Variants in SCARA5 observed in about 807,000 individuals in gnomAD.
SCARA5 encodes scavenger receptor class A member 5.
A neutral mutation model predicts 46.3 loss-of-function variants in SCARA5; 45 were observed. That is an observed-to-expected ratio of 0.97 (90% CI 0.76 to 1.24). SCARA5 has a LOEUF of 1.24. Ranked by LOEUF, SCARA5 falls within the 50% of genes most tolerant of loss-of-function variation. The probability of loss-of-function intolerance (pLI) is 0.00; values close to 1 mark genes in which losing one functional copy is unlikely to be tolerated. For synonymous variants in SCARA5, 333 were observed against 306.5 expected (o/e 1.09, Z -0.90); for missense variants, 680 against 689.0 (o/e 0.99, Z 0.15).
chr8:27,874,275 G>A (rs55840200), intron 8 of SCARA5, among the ~76,000 whole-genome samples: 1,824 of 152,286 alleles, frequency 0.012, 29 homozygotes, highest in African/African-American at 0.041. Flanking sequence ...TATTTAACAG[G>A]TATTTAAGAG....
At chr8:27,900,176 A>G (rs1259953763) in intron 7 of SCARA5, among the ~76,000 whole-genome samples, 1 of 152,008 alleles carries the variant, frequency 6.6e-6, no homozygotes, top group Non-Finnish European at 1.5e-5. Context: ...AAACAAAAAA[A>G]GGTGCAGTCG....
intron 4 of SCARA5, among the ~76,000 whole-genome samples, chr8:27,919,369 G>T (rs1807545534): frequency 6.6e-6 from 1 of 151,968 alleles, no homozygotes; most frequent in South Asian, 2.1e-4. Context: ...CCAGGGCAGT[G>T]ACGAGATGTG....
intron 8 of SCARA5, among the ~76,000 whole-genome samples, chr8:27,875,148 T>G (rs1806701786): frequency 1.3e-5 from 2 of 151,796 alleles, no homozygotes; most frequent in Admixed American, 1.3e-4. Context: ...CGCTCCCTTC[T>G]TTCTTCCTTC....
At chr8:27,919,838 A>G (rs917716889) in intron 4 of SCARA5, among the ~76,000 whole-genome samples, 2 of 150,550 alleles carry the variant, frequency 1.3e-5, no homozygotes, top group South Asian at 2.1e-4. Context: ...TTGGAGAGCC[A>G]TTGTTTTCAA....
intron 2 of SCARA5, among the ~76,000 whole-genome samples, chr8:27,986,314 G>A (rs938324363): frequency 4.6e-5 from 7 of 152,194 alleles, no homozygotes; most frequent in Non-Finnish European, 8.8e-5. Context: ...TTTCCAGAAA[G>A]CCCTCTGCTC....
intron 7 of SCARA5, among the ~76,000 whole-genome samples, chr8:27,880,023 G>A (rs1371881505): frequency 6.6e-6 from 1 of 152,106 alleles, no homozygotes; most frequent in African/African-American, 2.4e-5. Context: ...ACAAAATAGA[G>A]AGCCCAGAAA....
At chr8:27,941,606 C>T (rs1042005133) in intron 3 of SCARA5, among the ~76,000 whole-genome samples, 2 of 152,004 alleles carry the variant, frequency 1.3e-5, no homozygotes, top group Admixed American at 6.6e-5. Flanking sequence ...TTCAAACTCT[C>T]GGTGTTGTTA....
rs1337180725 is a variant in SCARA5 at position 27,879,751 on chromosome 8, G to A, written c.1169C>T (p.Pro390Leu). 2.5e-6 allele frequency: 4 copies of A among 1,612,740 alleles called. No individual in the cohort carries two copies. Among genetic ancestry groups the A allele is most frequent in the Non-Finnish European group, 3.4e-6 (4 of 1,180,006 alleles). ...GCCATTCACCAGGCGGATCATCATC[G>A]GGGCCTCCACGCCACCTGCCGGAGC... is the stretch of plus-strand genomic sequence containing the variant. ...RAGDASGVEA[P>L]MMIRLVNGSG... The change falls in exon 8 of 9, where the codon CCG (proline) becomes CTG (leucine). Residue 390 changes from proline (P) to leucine (L), a missense_variant. This residue lies in a region of SCARA5 where 219 missense variants were observed against 269.5 expected (regional missense o/e 0.81). Coordinates refer to ENST00000354914, the MANE Select transcript of SCARA5 (RefSeq NM_173833.6).
intron 3 of SCARA5, among the ~76,000 whole-genome samples, chr8:27,955,698 C>G (rs1218563495): frequency 1.3e-5 from 2 of 152,250 alleles, no homozygotes; most frequent in Non-Finnish European, 2.9e-5. Context: ...CTGCCTCCCC[C>G]TTTTCCCTCC....
At chr8:27,943,974 C>A (rs1052483231) in intron 3 of SCARA5, among the ~76,000 whole-genome samples, 3 of 152,214 alleles carry the variant, frequency 2.0e-5, no homozygotes, top group African/African-American at 7.2e-5. Context: ...AGTACAGGAA[C>A]AAATTGACAC....
chr8:27,930,948 C>G (rs967130068), intron 3 of SCARA5, among the ~76,000 whole-genome samples: 2 of 152,070 alleles, frequency 1.3e-5, no homozygotes, highest in South Asian at 4.1e-4. Flanking sequence ...AGGGATGGGA[C>G]GGAACGCCAC....
chr8:27,988,290 C>T (rs1411351393), intron 1 of SCARA5, among the ~76,000 whole-genome samples: 7 of 152,176 alleles, frequency 4.6e-5, no homozygotes, highest in African/African-American at 1.4e-4. Context: ...AGCATCTGGA[C>T]AGCTTTAGGC....
chr8:27,963,537 T>C (rs766882163), intron 3 of SCARA5, among the ~76,000 whole-genome samples: 16 of 152,206 alleles, frequency 1.1e-4, no homozygotes, highest in Non-Finnish European at 2.4e-4. Flanking sequence ...CATGGGATTA[T>C]TGGAGTAAAG....
chr8:27,977,228 T>G (rs939270203), intron 2 of SCARA5, among the ~76,000 whole-genome samples: 4 of 152,110 alleles, frequency 2.6e-5, no homozygotes, highest in Non-Finnish European at 4.4e-5. Flanking sequence ...CACCTCCTAG[T>G]CCCATCACTT....
intron 4 of SCARA5, among the ~76,000 whole-genome samples, chr8:27,920,351 G>T (rs910087841): frequency 6.6e-6 from 1 of 152,108 alleles, no homozygotes; most frequent in African/African-American, 2.4e-5. Context: ...AGTGGCTCAA[G>T]CCTGTAATCC....
At chr8:27,916,386 T>C (rs1269914434) in intron 4 of SCARA5, among the ~76,000 whole-genome samples, 1 of 147,184 alleles carries the variant, frequency 6.8e-6, no homozygotes, top group Non-Finnish European at 1.5e-5. Flanking sequence ...TGCACATTTG[T>C]ATGTGCATAT....
rs188670678 is a variant in SCARA5 at position 27,978,529 on chromosome 8, T to A, written c.112+8975A>T. On this transcript the variant is annotated intron_variant, in intron 2 of 8. Transcript: ENST00000354914. ...TATTTATTTATTTATTTATTTATTT[T>A]GAGACAGGCTCTCACTCTGTCGCCC... 1.3e-3 allele frequency among the ~76,000 whole-genome samples: 190 copies of A among 149,204 alleles called. 1 individual carries two copies. The highest frequency in any genetic ancestry group is 1.1e-4 in the Non-Finnish European group (7 of 66,384).
At position 27,917,980 on chromosome 8, in the gene SCARA5, G is replaced by T. The variant is rs145875463; in HGVS notation, c.916+3591C>A. ...AACTGGGTAGGGGAAGCCTCTGATC[G>T]TCCAGTGTCAAGATTTAACAGTTGC... On this transcript the variant is annotated intron_variant, in intron 4 of 8. Transcript: ENST00000354914. 3.9e-5 allele frequency among the ~76,000 whole-genome samples: 6 copies of T among 152,294 alleles called. No individual in the cohort carries two copies. The East Asian group carries it at 1.2e-3, about 29-fold the overall frequency.
At chr8:27,984,914 T>C (rs1354242039) in intron 2 of SCARA5, among the ~76,000 whole-genome samples, 1 of 152,148 alleles carries the variant, frequency 6.6e-6, no homozygotes, top group Non-Finnish European at 1.5e-5. Flanking sequence ...CATTTATTCA[T>C]TCATCCATTC....
Sources: allele counts gnomAD v4.1 joint callset (sites outside exome capture counted in the v4.1 genomes callset), GRCh38; gene constraint gnomAD v4.1.1; regional missense constraint gnomAD v4.1.1; transcripts MANE v1.5; gene names NCBI Gene and HGNC (gene_info 2026-07-23, HGNC 2026-07-21).